Variants in FRMPD4 observed in about 807,000 individuals in gnomAD.
FRMPD4 encodes FERM and PDZ domain-containing protein 4.
In FRMPD4, 22 loss-of-function variants were observed where a neutral mutation model predicts 94.1. That is an observed-to-expected ratio of 0.23 (90% CI 0.17 to 0.33). The LOEUF (loss-of-function observed/expected upper bound fraction) is 0.33. Among genes scored for constraint, FRMPD4 ranks in the 10% least tolerant of loss-of-function variants. The pLI is 1.00. For synonymous variants in FRMPD4, 631 were observed against 548.6 expected (o/e 1.15, Z -2.10); for missense variants, 1,111 against 1,339.9 (o/e 0.83, Z 2.67).
At chrX:12,433,150 T>A (rs770994112) in intron 1 of FRMPD4, among the ~76,000 whole-genome samples, 1 of 112,299 alleles carries the variant, frequency 8.9e-6, no homozygotes, top group South Asian at 3.7e-4. Flanking sequence ...AGCAGAGAAG[T>A]GGTTTATTAT....
rs1350630539 is a variant in FRMPD4 at position 12,096,397 on chromosome X, TGTTTCAGTACTTA to T, written c.95+218387_95+218399del. ...ATATCTATTCCTAATTAATTTTGTT[TGTTTCAGTACTTA>T]GTTTCAGCTTATTGAAATATTTTTT... On this transcript the variant is annotated intron_variant, in intron 3 of 18. Transcript: ENST00000640291. Among the ~76,000 whole-genome samples the T allele has an allele frequency of 5.3e-5, 6 of 112,294 alleles. No individual in the cohort carries two copies. The East Asian group carries it at 1.7e-3, about 31-fold the overall frequency.
intron 1 of FRMPD4, among the ~76,000 whole-genome samples, chrX:11,844,187 A>G (rs2053559878): frequency 2.0e-5 from 2 of 101,189 alleles, no homozygotes; most frequent in Admixed American, 1.1e-4. Flanking sequence ...ACTGGAGACG[A>G]GTTTTCACTA....
At chrX:12,052,320 G>T (rs2054822916) in intron 3 of FRMPD4, among the ~76,000 whole-genome samples, 1 of 111,708 alleles carries the variant, frequency 9.0e-6, no homozygotes, top group African/African-American at 3.2e-5. Context: ...AATGCCCTTT[G>T]TTTTCTGCCT....
intron 3 of FRMPD4, among the ~76,000 whole-genome samples, chrX:11,952,417 G>C (rs2054229512): frequency 8.9e-6 from 1 of 112,025 alleles, no homozygotes; most frequent in Admixed American, 9.4e-5. Flanking sequence ...TTTATCAGAG[G>C]AACCTCCTCC....
chrX:12,611,821 C>T (rs780893892), intron 3 of FRMPD4, among the ~76,000 whole-genome samples: 17 of 108,711 alleles, frequency 1.6e-4, no homozygotes, highest in Non-Finnish European at 3.1e-4. Context: ...TTGTTGAGCT[C>T]GACACAATTG....
intron 1 of FRMPD4, among the ~76,000 whole-genome samples, chrX:12,306,658 T>C (rs993548879): frequency 1.8e-5 from 2 of 112,293 alleles, no homozygotes; most frequent in African/African-American, 6.5e-5. Context: ...CCAAATGGAA[T>C]TCCAGTAACC....
chrX:12,034,663 T>A (rs2054710583), intron 3 of FRMPD4, among the ~76,000 whole-genome samples: 1 of 112,127 alleles, frequency 8.9e-6, no homozygotes. Context: ...CGGTTTTTTT[T>A]ACTGGGAAGG....
intron 3 of FRMPD4, among the ~76,000 whole-genome samples, chrX:12,042,433 C>T (rs905497038): frequency 1.8e-5 from 2 of 111,090 alleles, no homozygotes; most frequent in African/African-American, 3.3e-5. Context: ...TTGTTCTCTT[C>T]GTTCAATTTT....
chrX:12,215,367 C>G (rs1322490574), intron 1 of FRMPD4, among the ~76,000 whole-genome samples: 1 of 110,952 alleles, frequency 9.0e-6, no homozygotes, highest in Non-Finnish European at 1.9e-5. Flanking sequence ...TGCTAATGTT[C>G]TCCCCAAACA....
chrX:11,870,495 T>C (rs1274485244), intron 2 of FRMPD4, among the ~76,000 whole-genome samples: 2 of 111,511 alleles, frequency 1.8e-5, no homozygotes, highest in Non-Finnish European at 3.8e-5. Context: ...CAGGACAACC[T>C]CTGCATGCAA....
chrX:12,279,233 A>G (rs745613892), intron 1 of FRMPD4, among the ~76,000 whole-genome samples: 1 of 112,402 alleles, frequency 8.9e-6, no homozygotes, highest in East Asian at 2.8e-4. Flanking sequence ...CCACCGTAAC[A>G]TTCAGAGTCC....
intron 1 of FRMPD4, among the ~76,000 whole-genome samples, chrX:12,393,061 A>T (rs1432187531): frequency 1.8e-5 from 2 of 112,698 alleles, no homozygotes; most frequent in African/African-American, 6.4e-5. Context: ...TTTGAAGGGC[A>T]GGGACTGCAA....
intron 3 of FRMPD4, among the ~76,000 whole-genome samples, chrX:12,023,338 C>T (rs1205943974): frequency 9.0e-6 from 1 of 111,460 alleles, no homozygotes; most frequent in African/African-American, 3.3e-5. Context: ...CTAAGACACA[C>T]CAGGAGACCC....
chrX:12,396,341 T>A (rs1034397177), intron 1 of FRMPD4, among the ~76,000 whole-genome samples: 10 of 108,792 alleles, frequency 9.2e-5, no homozygotes, highest in East Asian at 2.8e-4. Flanking sequence ...TAAAAAAAAA[T>A]TTTAATCATC....
At chrX:12,368,379 AC>A (rs1231737021) in intron 1 of FRMPD4, among the ~76,000 whole-genome samples, 2 of 112,375 alleles carry the variant, frequency 1.8e-5, no homozygotes, top group Non-Finnish European at 3.8e-5. Context: ...GTTAGAAAAA[AC>A]AACTAGTATA....
At chrX:12,715,253 A>C (rs2042057566) in intron 14 of FRMPD4, among the ~76,000 whole-genome samples, 1 of 112,427 alleles carries the variant, frequency 8.9e-6, no homozygotes, top group Non-Finnish European at 1.9e-5. Context: ...ATAGTATTTA[A>C]ATTGGGGTTT....
intron 1 of FRMPD4, among the ~76,000 whole-genome samples, chrX:12,461,430 G>GA (rs1198656666): frequency 8.9e-6 from 1 of 111,986 alleles, no homozygotes; most frequent in Non-Finnish European, 1.9e-5. Context: ...CTGCCTAAAA[G>GA]TTTCTCAGTC....
At chrX:12,597,930 G>A (rs2059047238) in intron 2 of FRMPD4, among the ~76,000 whole-genome samples, 1 of 112,172 alleles carries the variant, frequency 8.9e-6, no homozygotes, top group Admixed American at 9.4e-5. Flanking sequence ...ATTTAAATTA[G>A]GCAACATCCT....
chrX:12,327,193 T>C (rs1391960021), intron 1 of FRMPD4, among the ~76,000 whole-genome samples: 1 of 112,247 alleles, frequency 8.9e-6, no homozygotes, highest in African/African-American at 3.2e-5. Context: ...CATGAATATG[T>C]ATTGTCTGTC....
Sources: gnomAD v4.1 joint callset for allele counts (sites outside exome capture counted in the v4.1 genomes callset) on GRCh38, gnomAD v4.1.1 for gene constraint, MANE v1.5 for transcripts, NCBI Gene and HGNC (gene_info 2026-07-23, HGNC 2026-07-21) for gene names.